Variants in SYTL2 observed in about 807,000 individuals in gnomAD.
The protein encoded by SYTL2 is synaptotagmin like 2.
A neutral mutation model predicts 198.7 loss-of-function variants in SYTL2; 165 were observed. That is an observed-to-expected ratio of 0.83 (90% CI 0.73 to 0.94). The LOEUF (loss-of-function observed/expected upper bound fraction) is 0.94, where lower values mean the gene tolerates loss of function less well. SYTL2 is among the 40% of genes least tolerant of loss of function. The pLI is 0.00. For missense variants in SYTL2, 2,835 were observed against 2,582.8 expected, an observed-to-expected ratio of 1.10 and a Z score of -2.12; for synonymous variants, 966 against 917.7, an observed-to-expected ratio of 1.05 and a Z score of -0.95.
intron 2 of SYTL2, 137 bp from the exon 3 acceptor site, chr11:85,748,560 C>T (rs938487015): frequency 1.1e-6 from 1 of 916,088 alleles, no homozygotes; most frequent in Non-Finnish European, 1.6e-6. Flanking sequence ...AGAAACTTCC[C>T]AGATGACTAA....
At chr11:85,848,527 TAC>T in the SYTL2 span, among the ~76,000 whole-genome samples, 39 of 152,296 alleles carry the variant, frequency 2.6e-4, no homozygotes, top group Middle Eastern at 0.01. Flanking sequence ...ATCCAATAGT[TAC>T]AGTCACATTT....
At chr11:85,734,783 G>C (rs139229347) in intron 6 of SYTL2, 41 bp from the exon 7 acceptor site, 15,819 of 1,380,788 alleles carry the variant, frequency 0.011, 143 homozygotes, top group Middle Eastern at 0.037. Context: ...CATATAGAGA[G>C]TAATATATAA....
chr11:85,723,940 T>C (rs1222816565), intron 8 of SYTL2, 92 bp downstream of exon 8: 6 of 610,448 alleles, frequency 9.8e-6, no homozygotes, highest in Non-Finnish European at 1.3e-5. Flanking sequence ...CATTTAAGAA[T>C]ATCAAATTAA....
chr11:85,843,098 G>A, the SYTL2 span, among the ~76,000 whole-genome samples: 1 of 152,186 alleles, frequency 6.6e-6, no homozygotes, highest in Non-Finnish European at 1.5e-5. Flanking sequence ...AATGGGCCAG[G>A]CATGGTGGCT....
chr11:85,818,061 C>T, the SYTL2 span, among the ~76,000 whole-genome samples: 1 of 152,018 alleles, frequency 6.6e-6, no homozygotes, highest in East Asian at 1.9e-4. Context: ...GACCACCATG[C>T]CCAGCTAATT....
At position 85,734,713 on chromosome 11, in the gene SYTL2, T is replaced by C. The variant is rs780525754; in HGVS notation, c.616A>G (p.Thr206Ala). 7 of 1,612,936 alleles carry C rather than the reference T, an allele frequency of 4.3e-6. No homozygotes were observed. The highest frequency in any genetic ancestry group is 2.2e-5 in the East Asian group (1 of 44,902). Residue 206 changes from threonine to alanine, a missense_variant, in exon 7 of 20, where the codon ACT becomes GCT. By Grantham distance (58) the Thr-to-Ala change is moderately conservative. Around this residue, in one of 3 missense-constraint regions of SYTL2, gnomAD observed 2,645 missense variants for 2,381.7 expected, o/e 1.11. Coordinates refer to ENST00000359152, the MANE Select transcript of SYTL2 (RefSeq NM_206927.4). ...TTTTGGATTGAAGTATCTGCGACAG[T>C]TGACTTTTCTTTTGACTCTGACAAT... ...DELSESKEKS[T>A]VADTSIQKLE...
At chr11:85,766,762 C>A (rs972582940) in intron 1 of SYTL2, among the ~76,000 whole-genome samples, 5 of 152,198 alleles carry the variant, frequency 3.3e-5, no homozygotes, top group Non-Finnish European at 7.3e-5. Context: ...CCCAAGAAGT[C>A]TCACAGAGCA....
At position 85,725,598 on chromosome 11, in the gene SYTL2, C is replaced by T. The variant is rs746398995; in HGVS notation, c.3760G>A (p.Glu1254Lys). The T allele has an allele frequency of 6.2e-7, 1 of 1,614,094 alleles. No individual in the cohort carries two copies. Among genetic ancestry groups the T allele is most frequent in the Admixed American group, 1.7e-5 (1 of 60,028 alleles). Residue 1254 changes from glutamate to lysine, a missense_variant, in exon 8 of 20, where the codon GAA (glutamate) becomes AAA (lysine). Glu to Lys is a moderately conservative substitution (Grantham distance 56). Coordinates refer to ENST00000359152, the MANE Select transcript of SYTL2 (RefSeq NM_206927.4). The stretch of plus-strand genomic sequence containing the variant: ...TCAGCTGAAGTATTGTGACTCTGTT[C>T]TATCCCTTTTCCAAAAAATCTCCCC... Reference protein sequence around the residue: ...EEGRFFGKGIEQSHNTSADKR... With the variant: ...EEGRFFGKGIKQSHNTSADKR...
In SYTL2 at chr11:85,711,178, G is replaced by C; in HGVS notation, c.5680C>G (p.His1894Asp). ...GTTAAAGAGCTCGGGCTCTTCTTGT[G>C]TCTGCTGAGCTGGTAACTGCTTTCT... is the stretch of plus-strand genomic sequence containing the variant. ...ASESSYQLSR[H>D]KKSPSSLTNL... Residue 1894 changes from histidine (H) to aspartate (D), a missense_variant, in exon 13 of 20, where the codon CAC (histidine) becomes GAC (aspartate). His to Asp is a moderately conservative substitution (Grantham distance 81). Transcript: ENST00000359152. 6.2e-7 allele frequency: 1 copy of C among 1,614,052 alleles called. No homozygotes were observed. Among genetic ancestry groups the C allele is most frequent in the Non-Finnish European group, 8.5e-7 (1 of 1,179,930 alleles).
the SYTL2 span, among the ~76,000 whole-genome samples, chr11:85,823,148 G>A: frequency 6.6e-6 from 1 of 152,222 alleles, no homozygotes; most frequent in African/African-American, 2.4e-5. Context: ...TAGAATATAA[G>A]TTCCATGCAG....
chr11:85,763,990 G>A (rs562949130), intron 1 of SYTL2, among the ~76,000 whole-genome samples: 18 of 152,192 alleles, frequency 1.2e-4, no homozygotes, highest in Non-Finnish European at 2.5e-4. Flanking sequence ...GTACCAGCCC[G>A]ATGATCATCA....
At chr11:85,749,392 A>G (rs2091373939) in intron 2 of SYTL2, among the ~76,000 whole-genome samples, 1 of 152,234 alleles carries the variant, frequency 6.6e-6, no homozygotes, top group Middle Eastern at 3.2e-3. Flanking sequence ...ACAAACTAAT[A>G]TGCACTCTTC....
chr11:85,807,723 G>C (rs76348872), intron 1 of SYTL2, among the ~76,000 whole-genome samples: 3,224 of 152,274 alleles, frequency 0.021, 62 homozygotes, highest in Admixed American at 0.039. Context: ...TATTTGAGAT[G>C]TTTAGCAAGA....
At position 85,725,100 on chromosome 11, in the gene SYTL2, A is replaced by C. The variant is rs116512432; in HGVS notation, c.4258T>G (p.Trp1420Gly). ...GGAACTATGGTGTCCATCGTAGCCCATGGTGATATCACTCCTGGAGGATTT... is the reference window on the plus strand; with the variant it reads ...GGAACTATGGTGTCCATCGTAGCCCCTGGTGATATCACTCCTGGAGGATTT... ...PLNPPGVISP[W>G]ATMDTIVPDR... Residue 1420 changes from tryptophan to glycine, a missense_variant, in exon 8 of 20, where the codon TGG (tryptophan) becomes GGG (glycine). Transcript: ENST00000359152. The C allele has an allele frequency of 3.6e-4, 584 of 1,614,170 alleles. 4 individuals carry two copies. In the African/African-American group the frequency reaches 6.4e-3, roughly 18 times the overall value.
rs138103051 is a variant in SYTL2 at position 85,776,828 on chromosome 11, C to G, written c.-389-18714G>C. On this transcript the variant is annotated intron_variant, in intron 1 of 19. Transcript: ENST00000359152. ...TAGATCCTTGAGGAATCACCACAAA[C>G]CTTTTTTAAAAAATAAATTACCCAG... is the stretch of plus-strand genomic sequence containing the variant. Among the ~76,000 whole-genome samples the G allele has an allele frequency of 2.0e-5, 3 of 152,270 alleles. No homozygotes were observed. The East Asian group carries it at 5.8e-4, about 29-fold the overall frequency.
chr11:85,777,281 G>A (rs1301874495), intron 1 of SYTL2, among the ~76,000 whole-genome samples: 1 of 152,148 alleles, frequency 6.6e-6, no homozygotes, highest in African/African-American at 2.4e-5. Context: ...CTAACATGGG[G>A]TTAAGAACAT....
At chr11:85,753,099 C>T (rs1272979954) in intron 2 of SYTL2, among the ~76,000 whole-genome samples, 1 of 151,870 alleles carries the variant, frequency 6.6e-6, no homozygotes, top group East Asian at 1.9e-4. Flanking sequence ...TACAGACAGA[C>T]ATGAGCAGCA....
the SYTL2 span, among the ~76,000 whole-genome samples, chr11:85,831,791 A>C: frequency 3.3e-5 from 5 of 152,222 alleles, no homozygotes; most frequent in Non-Finnish European, 7.4e-5. Flanking sequence ...ATTTGACCAC[A>C]ACAAAAAACT....
At chr11:85,789,587 A>G (rs544349377) in intron 1 of SYTL2, among the ~76,000 whole-genome samples, 8 of 151,266 alleles carry the variant, frequency 5.3e-5, no homozygotes, top group Non-Finnish European at 1.0e-4. Context: ...TTTTTGATAC[A>G]ATTAACAATA....
Sources: allele counts gnomAD v4.1 joint callset (sites outside exome capture counted in the v4.1 genomes callset), GRCh38; gene constraint gnomAD v4.1.1; regional missense constraint gnomAD v4.1.1; transcripts MANE v1.5; gene names NCBI Gene and HGNC (gene_info 2026-07-23, HGNC 2026-07-21).